The following PRKCB variants were observed in gnomAD, a reference collection of about 807,000 sequenced individuals.
The protein encoded by PRKCB is protein kinase C beta.
PRKCB carries 13 observed loss-of-function variants against 81.5 expected under a neutral mutation model. That is an observed-to-expected ratio of 0.16 (90% CI 0.10 to 0.25). The LOEUF (loss-of-function observed/expected upper bound fraction) is 0.25. PRKCB is among the 10% of genes least tolerant of loss of function. PRKCB has a pLI of 1.00. For missense variants in PRKCB, 509 were observed against 875.7 expected (o/e 0.58, Z 5.29); for synonymous variants, 335 against 321.4 (o/e 1.04, Z -0.45).
At chr16:24,162,474 G>A (rs867958646) in intron 10 of PRKCB, among the ~76,000 whole-genome samples, 1 of 135,870 alleles carries the variant, frequency 7.4e-6, no homozygotes, top group African/African-American at 2.9e-5. Flanking sequence ...TTTGAGACAG[G>A]ATCTCCCTTT....
At chr16:24,040,559 A>T (rs1965685780) in intron 5 of PRKCB, among the ~76,000 whole-genome samples, 1 of 152,204 alleles carries the variant, frequency 6.6e-6, no homozygotes, top group African/African-American at 2.4e-5. Flanking sequence ...CATTAGCTCC[A>T]TGAGGGCGGG....
At chr16:23,988,168 C>T (rs1810211899) in intron 2 of PRKCB, among the ~76,000 whole-genome samples, 1 of 152,244 alleles carries the variant, frequency 6.6e-6, no homozygotes, top group Non-Finnish European at 1.5e-5. Flanking sequence ...ACTACTTCAT[C>T]TGGCACCTGA....
chr16:23,940,899 G>A (rs942543586), intron 2 of PRKCB, among the ~76,000 whole-genome samples: 10 of 152,098 alleles, frequency 6.6e-5, no homozygotes, highest in African/African-American at 2.2e-4. Context: ...GGATAATAAC[G>A]CAGTAGTTGT....
At chr16:23,916,284 C>G (rs531985174) in intron 2 of PRKCB, among the ~76,000 whole-genome samples, 115 of 143,232 alleles carry the variant, frequency 8.0e-4, no homozygotes, top group African/African-American at 2.8e-3. Flanking sequence ...GTCTTGAACT[C>G]CTGGCCACAA....
chr16:24,198,168 T>G (rs991724767), intron 16 of PRKCB, among the ~76,000 whole-genome samples: 2 of 152,230 alleles, frequency 1.3e-5, no homozygotes, highest in Non-Finnish European at 2.9e-5. Context: ...GAGCATATTT[T>G]ATTGCAGAAG....
At chr16:24,142,575 C>T (rs1966916829) in intron 9 of PRKCB, among the ~76,000 whole-genome samples, 1 of 152,154 alleles carries the variant, frequency 6.6e-6, no homozygotes, top group African/African-American at 2.4e-5. Flanking sequence ...TAGAAGGTTC[C>T]GATTTAATTG....
intron 2 of PRKCB, among the ~76,000 whole-genome samples, chr16:23,948,037 C>T (rs1964227756): frequency 6.6e-6 from 1 of 152,126 alleles, no homozygotes; most frequent in South Asian, 2.1e-4. Context: ...TGAGTCCTTG[C>T]TGGACTCTGA....
At chr16:23,928,664 G>C (rs780708267) in intron 2 of PRKCB, among the ~76,000 whole-genome samples, 2 of 151,984 alleles carry the variant, frequency 1.3e-5, no homozygotes, top group East Asian at 3.9e-4. Flanking sequence ...TGGGGGACTG[G>C]GGAGGGCTTC....
chr16:24,160,820 C>CA lies in PRKCB; in HGVS notation c.1239+5964dup, dbSNP rs571795049. On this transcript the variant is annotated intron_variant, in intron 10 of 16. Coordinates refer to ENST00000643927, the MANE Select transcript of PRKCB (RefSeq NM_002738.7). The stretch of plus-strand genomic sequence containing the variant: ...ATAAGGATGACATCTGAGCAGAGAC[C>CA]AGGGCAAGCAAGGGAGCGGGGCATG... Among the ~76,000 whole-genome samples, 332 of 152,118 alleles carry CA rather than the reference C, an allele frequency of 2.2e-3. 1 individual carries two copies. The highest frequency in any genetic ancestry group is 7.7e-3 in the African/African-American group (321 of 41,494).
chr16:24,052,736 G>A (rs946156045), intron 5 of PRKCB, among the ~76,000 whole-genome samples: 4 of 152,316 alleles, frequency 2.6e-5, no homozygotes, highest in African/African-American at 4.8e-5. Context: ...ACGACCAGAC[G>A]TCACTTTTGT....
intron 3 of PRKCB, among the ~76,000 whole-genome samples, chr16:24,014,255 C>T (rs576757983): frequency 2.8e-4 from 42 of 151,836 alleles, no homozygotes; most frequent in South Asian, 8.4e-4. Context: ...AGTTGGCTTA[C>T]GGCACTGCAG....
chr16:24,090,394 G>C (rs941213271), intron 5 of PRKCB, among the ~76,000 whole-genome samples: 6 of 152,176 alleles, frequency 3.9e-5, no homozygotes, highest in Non-Finnish European at 8.8e-5. Flanking sequence ...TTTTAGGGAA[G>C]TCAGTCTTAT....
Position 23,969,649 on chromosome 16 carries a change from G to C in PRKCB, c.206-18859G>C, listed in dbSNP as rs561163425. Among the ~76,000 whole-genome samples, 105 of 152,262 alleles carry C rather than the reference G, an allele frequency of 6.9e-4. 1 individual carries two copies. Among genetic ancestry groups the C allele is most frequent in the Middle Eastern group, 3.4e-3 (1 of 294 alleles). ...CATAGTAGACAATCAATAGATGTTAGCTATTGTAATTGCCATCATCGTCAT... is the reference window on the plus strand; with the variant it reads ...CATAGTAGACAATCAATAGATGTTACCTATTGTAATTGCCATCATCGTCAT... On this transcript the variant is annotated intron_variant, in intron 2 of 16. Coordinates refer to ENST00000643927, the MANE Select transcript of PRKCB (RefSeq NM_002738.7).
At chr16:24,049,757 A>G (rs1965817881) in intron 5 of PRKCB, among the ~76,000 whole-genome samples, 2 of 152,218 alleles carry the variant, frequency 1.3e-5, no homozygotes, top group Non-Finnish European at 2.9e-5. Flanking sequence ...TTCAGGTTAC[A>G]CTGGAAAACT....
chr16:23,914,982 G>C (rs1963716978), intron 2 of PRKCB, among the ~76,000 whole-genome samples: 1 of 152,224 alleles, frequency 6.6e-6, no homozygotes, highest in Non-Finnish European at 1.5e-5. Context: ...CCTTTAACAA[G>C]ATGGATGGGG....
At chr16:23,949,249 G>T (rs143989111) in intron 2 of PRKCB, among the ~76,000 whole-genome samples, 1 of 152,352 alleles carries the variant, frequency 6.6e-6, no homozygotes, top group African/African-American at 2.4e-5. Flanking sequence ...ATGGACAAAA[G>T]AAAGAACGAA....
chr16:24,038,545 C>G (rs767883349), intron 5 of PRKCB, among the ~76,000 whole-genome samples: 13 of 152,258 alleles, frequency 8.5e-5, no homozygotes, highest in Non-Finnish European at 1.2e-4. Context: ...GGGCCTCTGG[C>G]CCCATGTCAC....
chr16:24,158,572 G>A (rs564281326), intron 10 of PRKCB, among the ~76,000 whole-genome samples: 2 of 151,776 alleles, frequency 1.3e-5, no homozygotes, highest in South Asian at 2.1e-4. Flanking sequence ...ATATGTATAT[G>A]TATATGTATA....
chr16:23,869,052 C>T (rs1962857780), intron 2 of PRKCB: 1 of 447,348 alleles, frequency 2.2e-6, no homozygotes, highest in East Asian at 7.0e-5. Context: ...TTATTTGCTC[C>T]CACCTCATAC....
Sources: gnomAD v4.1 joint callset for allele counts (sites outside exome capture counted in the v4.1 genomes callset) on GRCh38, gnomAD v4.1.1 for gene constraint, MANE v1.5 for transcripts, NCBI Gene and HGNC (gene_info 2026-07-23, HGNC 2026-07-21) for gene names.